The following VIT variants were observed in gnomAD, a reference collection of about 807,000 sequenced individuals.
VIT encodes the protein vitrin.
A neutral mutation model predicts 78.0 loss-of-function variants in VIT; 99 were observed. The ratio of observed to expected loss-of-function variants is 1.27; its 90% CI spans 1.08 to 1.50. The LOEUF (loss-of-function observed/expected upper bound fraction) is 1.50. Ranked by LOEUF, VIT falls within the 40% of genes most tolerant of loss-of-function variation. The probability of loss-of-function intolerance (pLI) is 0.00; values close to 1 mark genes in which losing one functional copy is unlikely to be tolerated. For synonymous variants in VIT, 374 were observed against 334.3 expected (o/e 1.12, Z -1.29); for missense variants, 1,126 against 875.3 (o/e 1.29, Z -3.61).
chr2:36,720,223 A>G (rs1322120469), intron 2 of VIT, among the ~76,000 whole-genome samples: 1 of 152,212 alleles, frequency 6.6e-6, no homozygotes, highest in Non-Finnish European at 1.5e-5. Flanking sequence ...GAGGCATCAA[A>G]TACCCAACAT....
chr2:36,801,223 G>C lies in VIT; in HGVS notation c.1059-78G>C, dbSNP rs929799590. 1.9e-5 allele frequency: 25 copies of C among 1,304,742 alleles called. No individual in the cohort carries two copies. The South Asian group carries it at 2.9e-4, about 15-fold the overall frequency. 80.8% of individuals were successfully genotyped at this position (1,304,742 alleles called of 1,614,324 possible). ...AAGCAGCTTCTATTTGTATATAAAA[G>C]AATCAACCATGATCTCTGCCTTCCT... On this transcript the variant is annotated intron_variant, in intron 12 of 15. Coordinates refer to ENST00000379242, the MANE Select transcript of VIT (RefSeq NM_053276.4).
chr2:36,710,264 A>C (rs7355709), intron 1 of VIT, among the ~76,000 whole-genome samples: 26,684 of 152,084 alleles, frequency 0.18, 3,990 homozygotes, highest in African/African-American at 0.4. Flanking sequence ...ATATACGCAC[A>C]GGGTAAAGAT....
chr2:36,717,958 T>C (rs1666268992), intron 2 of VIT, among the ~76,000 whole-genome samples: 1 of 152,246 alleles, frequency 6.6e-6, no homozygotes. Flanking sequence ...GGCTGTTTGC[T>C]GGCAATCTTT....
intron 12 of VIT, 92 bp from the exon 13 acceptor site, chr2:36,801,209 A>AT (rs1466976329): frequency 1.2e-5 from 14 of 1,165,960 alleles, no homozygotes; most frequent in Non-Finnish European, 1.7e-5. Flanking sequence ...AGCAGCTTCT[A>AT]TTTGTATATA....
intron 1 of VIT, among the ~76,000 whole-genome samples, chr2:36,702,068 G>C (rs1665094287): frequency 1.3e-5 from 2 of 152,198 alleles, no homozygotes; most frequent in Admixed American, 1.3e-4. Context: ...CAGTCAGGGT[G>C]ATGATTTGCA....
chr2:36,814,158 G>T (rs749721584), intron 15 of VIT, 25 bp from the exon 16 acceptor site: 4 of 1,603,762 alleles, frequency 2.5e-6, no homozygotes, highest in Non-Finnish European at 2.6e-6. Context: ...GGGGACATTT[G>T]TTCATCTAAC....
intron 2 of VIT, among the ~76,000 whole-genome samples, chr2:36,717,889 T>C (rs1415879423): frequency 2.0e-5 from 3 of 152,080 alleles, no homozygotes; most frequent in Non-Finnish European, 4.4e-5. Flanking sequence ...GTCAAGAGGG[T>C]TGGTTCTTTC....
intron 2 of VIT, among the ~76,000 whole-genome samples, chr2:36,725,602 T>TGGGGGG (rs112932967): frequency 1.0e-4 from 5 of 48,864 alleles, no homozygotes; most frequent in Non-Finnish European, 1.6e-4. Flanking sequence ...AGTTGAGGGG[T>TGGGGGG]GGGGGGGGGG....
At chr2:36,776,969 G>A (rs991355690) in intron 9 of VIT, among the ~76,000 whole-genome samples, 26 of 148,012 alleles carry the variant, frequency 1.8e-4, no homozygotes, top group African/African-American at 5.6e-4. Flanking sequence ...GGCGCCTGTA[G>A]TCCCAGCTAC....
At chr2:36,774,845 C>T (rs1669956182) in intron 8 of VIT, 157 bp from the exon 9 acceptor site, 1 of 985,264 alleles carries the variant, frequency 1.0e-6, no homozygotes, top group South Asian at 4.7e-5. Flanking sequence ...AGATTTTTGC[C>T]TCCTCTGCAA....
At chr2:36,759,331 G>A (rs1182559124) in intron 6 of VIT, 2 of 1,429,270 alleles carry the variant, frequency 1.4e-6, no homozygotes, top group African/African-American at 2.9e-5. Flanking sequence ...ATGTATTGTT[G>A]CTTTAGAAAA....
intron 9 of VIT, among the ~76,000 whole-genome samples, chr2:36,778,415 G>A (rs1165270795): frequency 6.6e-6 from 1 of 152,140 alleles, no homozygotes; most frequent in Non-Finnish European, 1.5e-5. Context: ...AAAACCTGGT[G>A]GCTTTTCCTC....
At chr2:36,757,257 A>T (rs1332041339) in intron 5 of VIT, among the ~76,000 whole-genome samples, 1 of 152,178 alleles carries the variant, frequency 6.6e-6, no homozygotes, top group Non-Finnish European at 1.5e-5. Context: ...TCTAATTTTC[A>T]TATGCCCCTG....
At chr2:36,755,097 G>C (rs1446823082) in intron 5 of VIT, 43 bp downstream of exon 5, 15 of 1,586,328 alleles carry the variant, frequency 9.5e-6, no homozygotes, top group Non-Finnish European at 1.3e-5. Context: ...CCTACCACAA[G>C]ATGAAATGTG....
intron 14 of VIT, among the ~76,000 whole-genome samples, chr2:36,806,673 A>C (rs2148677108): frequency 6.6e-6 from 1 of 152,120 alleles, no homozygotes; most frequent in East Asian, 1.9e-4. Context: ...CAGCCTCCCA[A>C]ATAGCTGGGA....
At chr2:36,755,142 C>A in intron 5 of VIT, 88 bp downstream of exon 5, 1 of 1,367,172 alleles carries the variant, frequency 7.3e-7, no homozygotes, top group South Asian at 1.7e-5. Flanking sequence ...TTGTTTATGG[C>A]CCACCTCATT....
chr2:36,742,306 A>G (rs1667881648), intron 3 of VIT, among the ~76,000 whole-genome samples: 1 of 152,188 alleles, frequency 6.6e-6, no homozygotes, highest in African/African-American at 2.4e-5. Flanking sequence ...TGCCTACTGG[A>G]TGAAGTGAGG....
At position 36,803,841 on chromosome 2, in the gene VIT, C is replaced by T. The variant is rs1303484612; in HGVS notation, c.1163-1597C>T. Reference sequence around the variant, plus strand: ...AGATTGAGGACTCCTTTGAGAATTCCGTGAAAGCTATGGCCCTTCTATCCA... The same window carrying T: ...AGATTGAGGACTCCTTTGAGAATTCTGTGAAAGCTATGGCCCTTCTATCCA... On this transcript the variant is annotated intron_variant, in intron 13 of 15. Coordinates refer to ENST00000379242, the MANE Select transcript of VIT (RefSeq NM_053276.4). Among the ~76,000 whole-genome samples the T allele has an allele frequency of 5.9e-5, 9 of 152,238 alleles. No individual in the cohort carries two copies. In the South Asian group the frequency reaches 6.2e-4, roughly 11 times the overall value.
chr2:36,808,401 G>A (rs528694036), intron 14 of VIT, 71 bp from the exon 15 acceptor site: 4 of 1,518,136 alleles, frequency 2.6e-6, no homozygotes, highest in African/African-American at 2.8e-5. Context: ...TGCCCCGGGG[G>A]ATCAAGCCTA....
Sources: allele counts gnomAD v4.1 joint callset (sites outside exome capture counted in the v4.1 genomes callset), GRCh38; gene constraint gnomAD v4.1.1; transcripts MANE v1.5; gene names NCBI Gene and HGNC (gene_info 2026-07-23, HGNC 2026-07-21).